ZNF385D: variants seen among roughly 807,000 people sequenced by gnomAD.
The protein encoded by ZNF385D is zinc finger protein 659.
A neutral mutation model predicts 35.8 loss-of-function variants in ZNF385D; 15 were observed. The observed-to-expected ratio is 0.42, with a 90% CI of 0.28 to 0.64. The LOEUF (loss-of-function observed/expected upper bound fraction) is 0.64. Among genes scored for constraint, ZNF385D ranks in the 30% least tolerant of loss-of-function variants. ZNF385D has a pLI of 0.23. For missense variants in ZNF385D, 474 were observed against 494.6 expected (o/e 0.96, Z 0.39); for synonymous variants, 212 against 186.8 (o/e 1.13, Z -1.10).
intron 3 of ZNF385D, among the ~76,000 whole-genome samples, chr3:21,787,755 A>G (rs747500807): frequency 6.6e-6 from 1 of 152,116 alleles, no homozygotes; most frequent in African/African-American, 2.4e-5. Context: ...GCAGAGGCCA[A>G]AACAATTGAG....
At chr3:21,857,067 TA>T (rs1696758309) in intron 3 of ZNF385D, among the ~76,000 whole-genome samples, 1 of 152,070 alleles carries the variant, frequency 6.6e-6, no homozygotes. Context: ...CTTTCTCATT[TA>T]GGCCTTTCCT....
chr3:21,751,500 G>C, upstream of ZNF385D: 1 of 963,378 alleles, frequency 1.0e-6, no homozygotes, highest in South Asian at 4.8e-5. Flanking sequence ...CTTTTACCCC[G>C]CCCCTCCTGT....
intron 2 of ZNF385D, chr3:21,579,065 T>A (rs1161408041): frequency 6.6e-6 from 1 of 152,178 alleles, no homozygotes; most frequent in African/African-American, 2.4e-5. Context: ...TGGCCTCACA[T>A]AACAAAATCT....
intron 3 of ZNF385D, among the ~76,000 whole-genome samples, chr3:21,817,284 C>T (rs2073194557): frequency 6.6e-6 from 1 of 152,176 alleles, no homozygotes; most frequent in African/African-American, 2.4e-5. Context: ...GCAAGGACTT[C>T]ATGACTATAA....
chr3:22,310,692 G>C (rs1483546998), intron 2 of ZNF385D, among the ~76,000 whole-genome samples: 6 of 151,794 alleles, frequency 4.0e-5, no homozygotes, highest in Admixed American at 3.9e-4. Flanking sequence ...TTATCACTAG[G>C]AATATTTCCT....
chr3:22,274,008 C>A (rs910241585), intron 2 of ZNF385D, among the ~76,000 whole-genome samples: 1 of 151,986 alleles, frequency 6.6e-6, no homozygotes, highest in Non-Finnish European at 1.5e-5. Context: ...GGATACTACT[C>A]ATCAAAGAAG....
At chr3:22,230,201 C>T (rs373794830) in intron 2 of ZNF385D, among the ~76,000 whole-genome samples, 144 of 152,236 alleles carry the variant, frequency 9.5e-4, no homozygotes, top group African/African-American at 3.4e-3. Flanking sequence ...TATTGCACCA[C>T]CATTTGGGTT....
intron 3 of ZNF385D, among the ~76,000 whole-genome samples, chr3:21,910,476 C>T (rs1405971302): frequency 4.0e-5 from 6 of 151,854 alleles, no homozygotes; most frequent in Admixed American, 3.3e-4. Context: ...TCTGCTAAAA[C>T]TACAAATACT....
chr3:21,913,319 C>T (rs1700053815), intron 3 of ZNF385D, among the ~76,000 whole-genome samples: 2 of 152,080 alleles, frequency 1.3e-5, no homozygotes, highest in South Asian at 2.1e-4. Flanking sequence ...ACCCTCCTCA[C>T]ATAAAACTAT....
chr3:21,814,647 T>C (rs1342170737), intron 3 of ZNF385D, among the ~76,000 whole-genome samples: 1 of 152,156 alleles, frequency 6.6e-6, no homozygotes, highest in Non-Finnish European at 1.5e-5. Flanking sequence ...CCTAAATATA[T>C]ATGCACCCAA....
Position 21,891,643 on chromosome 3 carries a change from C to T in ZNF385D, c.326-226615G>A, listed in dbSNP as rs535970858. ...TGATGGAATGAATGCTTTGATGTCA[C>T]AGCAGTGGAAAATGTCCAGTTAATA... On this transcript the variant is annotated intron_variant, in intron 3 of 5. Transcript: ENST00000494108. 3.3e-5 allele frequency among the ~76,000 whole-genome samples: 5 copies of T among 152,266 alleles called. No homozygotes were observed. The South Asian group carries it at 1.0e-3, about 32-fold the overall frequency.
At chr3:21,537,124 CTTTTTT>C (rs35873199) in intron 3 of ZNF385D, among the ~76,000 whole-genome samples, 8 of 95,012 alleles carry the variant, frequency 8.4e-5, no homozygotes, top group Admixed American at 1.5e-4. Flanking sequence ...AAAATATCAA[CTTTTTT>C]TTTTTTTTTT....
At chr3:21,655,257 T>C (rs2066040025) in intron 2 of ZNF385D, among the ~76,000 whole-genome samples, 2 of 152,076 alleles carry the variant, frequency 1.3e-5, no homozygotes, top group South Asian at 4.1e-4. Context: ...ATGATTATTC[T>C]AGTTTCACAG....
At chr3:21,814,945 T>A (rs2073083272) in intron 3 of ZNF385D, among the ~76,000 whole-genome samples, 1 of 152,110 alleles carries the variant, frequency 6.6e-6, no homozygotes, top group Non-Finnish European at 1.5e-5. Flanking sequence ...AAAGCACTCC[T>A]CAGCAAATGT....
chr3:21,853,802 CTG>C (rs1234207805), intron 3 of ZNF385D, among the ~76,000 whole-genome samples: 1 of 151,570 alleles, frequency 6.6e-6, no homozygotes, highest in Non-Finnish European at 1.5e-5. Context: ...GAAAATATGA[CTG>C]TGATGTTATT....
Position 21,751,053 on chromosome 3 carries a change from T to C in ZNF385D, c.-137A>G, listed in dbSNP as rs541564679. The C allele has an allele frequency of 5.7e-5, 88 of 1,544,424 alleles. No individual in the cohort carries two copies. The South Asian group carries it at 7.9e-4, about 14-fold the overall frequency. ...TGGAGAGCAGTGAGCGCCGAGAGCG[T>C]GCCTCCTCCGCGGGATGAGCGCCTT... On this transcript the variant is annotated 5_prime_UTR_variant, in exon 1 of 8. Coordinates refer to ENST00000281523, the MANE Select transcript of ZNF385D (RefSeq NM_024697.3).
chr3:21,935,393 G>A (rs1284533969), intron 3 of ZNF385D, among the ~76,000 whole-genome samples: 2 of 152,044 alleles, frequency 1.3e-5, no homozygotes, highest in Admixed American at 1.3e-4. Context: ...TATATGACTT[G>A]AATATTATTC....
At chr3:22,158,963 T>C (rs1421734880) in intron 3 of ZNF385D, among the ~76,000 whole-genome samples, 1 of 151,980 alleles carries the variant, frequency 6.6e-6, no homozygotes, top group African/African-American at 2.4e-5. Context: ...GTTAAAAAGC[T>C]TATACTTTCA....
chr3:21,922,969 A>G (rs1422033674), intron 3 of ZNF385D, among the ~76,000 whole-genome samples: 1 of 152,204 alleles, frequency 6.6e-6, no homozygotes, highest in Non-Finnish European at 1.5e-5. Flanking sequence ...AAAAATGGGC[A>G]AAAGACATGA....
Sources: allele counts gnomAD v4.1 joint callset (sites outside exome capture counted in the v4.1 genomes callset), GRCh38; gene constraint gnomAD v4.1.1; transcripts MANE v1.5; gene names NCBI Gene and HGNC (gene_info 2026-07-23, HGNC 2026-07-21).